SGIP1: variants seen among roughly 807,000 people sequenced by gnomAD.
SGIP1 encodes the protein SH3-containing GRB2-like protein 3-interacting protein 1.
A neutral mutation model predicts 107.5 loss-of-function variants in SGIP1; 38 were observed. That is an observed-to-expected ratio of 0.35 (90% CI 0.27 to 0.46). The LOEUF (loss-of-function observed/expected upper bound fraction) is 0.46. Ranked by LOEUF, SGIP1 falls within the 20% of genes least tolerant of loss-of-function variation. The pLI, the probability that SGIP1 is intolerant of heterozygous loss-of-function variation, is 1.00. For missense variants in SGIP1, 929 were observed against 1,019.5 expected, an observed-to-expected ratio of 0.91 and a Z score of 1.21; for synonymous variants, 365 against 366.1, an observed-to-expected ratio of 1.00 and a Z score of 0.03.
chr1:66,693,095 T>C (rs2090214394), intron 17 of SGIP1, among the ~76,000 whole-genome samples: 1 of 152,058 alleles, frequency 6.6e-6, no homozygotes, highest in African/African-American at 2.4e-5. Context: ...AGACAGGTTA[T>C]AATATGAAAA....
At chr1:66,640,740 G>A (rs555377455) in intron 5 of SGIP1, among the ~76,000 whole-genome samples, 1 of 150,422 alleles carries the variant, frequency 6.6e-6, no homozygotes, top group Non-Finnish European at 1.5e-5. Flanking sequence ...AGCCAGGGAC[G>A]GGTTTTTAGC....
chr1:66,677,203 A>C, intron 13 of SGIP1, 107 bp downstream of exon 13: 1 of 821,770 alleles, frequency 1.2e-6, no homozygotes, highest in Non-Finnish European at 2.0e-6. Context: ...GCAACATTAG[A>C]ACTGAATAAT....
intron 2 of SGIP1, among the ~76,000 whole-genome samples, chr1:66,631,139 A>G (rs1316713322): frequency 6.6e-6 from 1 of 152,136 alleles, no homozygotes; most frequent in Non-Finnish European, 1.5e-5. Context: ...ATACAAAAAG[A>G]GAATTGGCTT....
At chr1:66,643,509 G>A (rs1197511838) in intron 6 of SGIP1, 35 bp from the exon 7 acceptor site, 1 of 1,567,992 alleles carries the variant, frequency 6.4e-7, no homozygotes, top group East Asian at 2.4e-5. Context: ...CCTCCCAGTA[G>A]AAGAAAGAGT....
chr1:66,735,346 G>C (rs527881903), intron 21 of SGIP1, among the ~76,000 whole-genome samples: 1 of 152,136 alleles, frequency 6.6e-6, no homozygotes, highest in South Asian at 2.1e-4. Flanking sequence ...CTCCCAAGTA[G>C]CTGGGATTAC....
intron 11 of SGIP1, 53 bp from the exon 12 acceptor site, chr1:66,673,228 G>A (rs1310523901): frequency 5.2e-6 from 8 of 1,534,742 alleles, no homozygotes; most frequent in South Asian, 4.5e-5. Context: ...ATCTTTTTGA[G>A]TATTAATTTT....
Position 66,748,265 on chromosome 1 carries a change from C to T in SGIP1, c.*5170C>T, listed in dbSNP as rs971851580. ...AGGAAAATGAGATAGGAGTACATTGCTTAAGTCTCTAAATATTAAAAACAA... is the reference window on the plus strand; with the variant it reads ...AGGAAAATGAGATAGGAGTACATTGTTTAAGTCTCTAAATATTAAAAACAA... On this transcript the variant is annotated 3_prime_UTR_variant, in exon 25 of 25. Coordinates refer to ENST00000371037, the MANE Select transcript of SGIP1 (RefSeq NM_032291.4). 1.8e-4 allele frequency: 27 copies of T among 151,928 alleles called. No homozygotes were observed. The highest frequency in any genetic ancestry group is 6.3e-4 in the African/African-American group (26 of 41,436). 9.4% of individuals were successfully genotyped at this position (151,928 alleles called of 1,614,324 possible). A position where few individuals can be genotyped will look rare whatever the true frequency, so the allele number is the denominator to read the frequency against.
At chr1:66,599,165 A>C (rs2065275898) in intron 1 of SGIP1, among the ~76,000 whole-genome samples, 1 of 152,174 alleles carries the variant, frequency 6.6e-6, no homozygotes, top group Non-Finnish European at 1.5e-5. Context: ...TGCTCAAGTT[A>C]CTCGAACCTA....
intron 8 of SGIP1, among the ~76,000 whole-genome samples, chr1:66,664,939 A>G (rs938521359): frequency 6.6e-6 from 1 of 152,184 alleles, no homozygotes; most frequent in Non-Finnish European, 1.5e-5. Flanking sequence ...GAAAGAGGTC[A>G]TACATCTGCT....
At chr1:66,732,965 A>C (rs1317201116) in intron 20 of SGIP1, among the ~76,000 whole-genome samples, 9 of 152,170 alleles carry the variant, frequency 5.9e-5, no homozygotes, top group Non-Finnish European at 8.8e-5. Flanking sequence ...TATACGGGAA[A>C]TGAGTTATAT....
chr1:66,564,984 A>C (rs1463333946), intron 1 of SGIP1, among the ~76,000 whole-genome samples: 1 of 151,984 alleles, frequency 6.6e-6, no homozygotes, highest in Admixed American at 6.6e-5. Flanking sequence ...CATTTTCCAA[A>C]TGAAGAAAAA....
chr1:66,577,685 A>G (rs2084089), intron 1 of SGIP1, among the ~76,000 whole-genome samples: 51,182 of 151,698 alleles, frequency 0.34, 9,289 homozygotes, highest in African/African-American at 0.48. Flanking sequence ...GAACATAGGA[A>G]GTGCTCAAAT....
chr1:66,669,047 G>A (rs184986847), intron 9 of SGIP1, among the ~76,000 whole-genome samples: 9 of 152,242 alleles, frequency 5.9e-5, no homozygotes, highest in Admixed American at 4.6e-4. Flanking sequence ...CTTTTCTGTT[G>A]CTGCTGAGTT....
At chr1:66,615,176 C>A (rs1398076125) in intron 1 of SGIP1, among the ~76,000 whole-genome samples, 1 of 151,816 alleles carries the variant, frequency 6.6e-6, no homozygotes, top group Non-Finnish European at 1.5e-5. Context: ...CTCTTGTTGC[C>A]CAGGCTGGAG....
At chr1:66,706,131 G>T (rs1384975071) in intron 18 of SGIP1, among the ~76,000 whole-genome samples, 1 of 151,436 alleles carries the variant, frequency 6.6e-6, no homozygotes, top group Non-Finnish European at 1.5e-5. Flanking sequence ...TCATTACTTT[G>T]GTTCACAATT....
intron 1 of SGIP1, among the ~76,000 whole-genome samples, chr1:66,584,202 C>G (rs1460547632): frequency 3.3e-5 from 5 of 151,790 alleles, no homozygotes. Flanking sequence ...ATTTTCAATA[C>G]CTATATCTAG....
chr1:66,572,101 C>T (rs1240266991), intron 1 of SGIP1, among the ~76,000 whole-genome samples: 1 of 151,970 alleles, frequency 6.6e-6, no homozygotes. Flanking sequence ...GCATGATAAT[C>T]GCCTGTCAAA....
intron 1 of SGIP1, among the ~76,000 whole-genome samples, chr1:66,620,552 G>C (rs2070775302): frequency 6.6e-6 from 1 of 151,970 alleles, no homozygotes; most frequent in Admixed American, 6.6e-5. Context: ...CAGAGAGACA[G>C]AGAGAGAGAG....
At chr1:66,615,374 C>T (rs2069014101) in intron 1 of SGIP1, among the ~76,000 whole-genome samples, 1 of 151,922 alleles carries the variant, frequency 6.6e-6, no homozygotes, top group South Asian at 2.1e-4. Context: ...CTCAGGTGAC[C>T]CGCCTGCCTC....
Sources: gnomAD v4.1 joint callset for allele counts (sites outside exome capture counted in the v4.1 genomes callset) on GRCh38, gnomAD v4.1.1 for gene constraint, MANE v1.5 for transcripts, NCBI Gene and HGNC (gene_info 2026-07-23, HGNC 2026-07-21) for gene names.